Variants in BMPR1B observed in about 807,000 individuals in gnomAD.
The protein encoded by BMPR1B is bone morphogenetic protein receptor type-1B.
In BMPR1B, 12 loss-of-function variants were observed where a neutral mutation model predicts 59.1. That is an observed-to-expected ratio of 0.20 (90% CI 0.13 to 0.33). BMPR1B has a LOEUF of 0.33. Ranked by LOEUF, BMPR1B falls within the 10% of genes least tolerant of loss-of-function variation. BMPR1B has a pLI of 1.00. For synonymous variants in BMPR1B, 237 were observed against 207.3 expected (o/e 1.14, Z -1.23); for missense variants, 550 against 610.9 (o/e 0.90, Z 1.05).
At chr4:95,057,777 T>C (rs1307842943) in intron 3 of BMPR1B, among the ~76,000 whole-genome samples, 2 of 152,152 alleles carry the variant, frequency 1.3e-5, no homozygotes, top group Admixed American at 1.3e-4. Context: ...CCAGGACTCT[T>C]TTGTTTGTAG....
At chr4:94,922,261 C>T (rs1335371183) in intron 2 of BMPR1B, among the ~76,000 whole-genome samples, 1 of 152,108 alleles carries the variant, frequency 6.6e-6, no homozygotes, top group Non-Finnish European at 1.5e-5. Flanking sequence ...AGGCATGAGT[C>T]ATTGTGCCTG....
At chr4:94,982,923 T>C (rs945682547) in intron 2 of BMPR1B, among the ~76,000 whole-genome samples, 2 of 151,248 alleles carry the variant, frequency 1.3e-5, no homozygotes, top group African/African-American at 2.4e-5. Flanking sequence ...AGGCGGAGAT[T>C]GTCGTGAGAG....
rs575213455 is a variant in BMPR1B at position 94,844,673 on chromosome 4, C to G, written c.-182-31158C>G. On this transcript the variant is annotated intron_variant, in intron 1 of 12. Coordinates refer to ENST00000515059, the MANE Select transcript of BMPR1B (RefSeq NM_001203.3). ...TTCTTTATGTCTGCCTGACTTCCCC[C>G]CGCTGCCCCGCTCCCCGCCCCAGAT... Among the ~76,000 whole-genome samples, 251 of 152,218 alleles carry G rather than the reference C, an allele frequency of 1.6e-3. 1 individual carries two copies. Among genetic ancestry groups the G allele is most frequent in the Admixed American group, 2.8e-3 (43 of 15,284 alleles).
intron 10 of BMPR1B, among the ~76,000 whole-genome samples, chr4:95,143,482 C>T (rs1280663896): frequency 2.0e-5 from 3 of 152,110 alleles, no homozygotes; most frequent in African/African-American, 7.2e-5. Context: ...CCTTTGCTCC[C>T]CTTCCCTACC....
intron 10 of BMPR1B, among the ~76,000 whole-genome samples, chr4:95,148,400 T>C (rs1427047920): frequency 3.3e-5 from 5 of 152,026 alleles, no homozygotes; most frequent in Non-Finnish European, 7.4e-5. Context: ...GACTGAGTTT[T>C]ATCTTCATTG....
chr4:94,836,179 T>C (rs1396683366), intron 1 of BMPR1B, among the ~76,000 whole-genome samples: 1 of 150,128 alleles, frequency 6.7e-6, no homozygotes, highest in Non-Finnish European at 1.5e-5. Context: ...TTTGGGTTGG[T>C]TCCAAGTCTT....
intron 3 of BMPR1B, among the ~76,000 whole-genome samples, chr4:95,011,732 G>T (rs1192892021): frequency 6.6e-6 from 1 of 152,064 alleles, no homozygotes; most frequent in East Asian, 1.9e-4. Context: ...AAAAAGAAAA[G>T]ATGGGGTTGG....
At chr4:95,023,027 T>C (rs1724104097) in intron 3 of BMPR1B, among the ~76,000 whole-genome samples, 1 of 152,164 alleles carries the variant, frequency 6.6e-6, no homozygotes, top group Non-Finnish European at 1.5e-5. Context: ...GGTTTCTTTA[T>C]TTCCAGAAAT....
intron 3 of BMPR1B, among the ~76,000 whole-genome samples, chr4:95,046,735 C>A (rs1404822722): frequency 6.6e-6 from 1 of 152,128 alleles, no homozygotes; most frequent in Non-Finnish European, 1.5e-5. Context: ...CAAATGGAGA[C>A]CTTTCTTTTA....
chr4:94,876,092 A>T (rs544185041), intron 2 of BMPR1B, among the ~76,000 whole-genome samples, 192 bp downstream of exon 2: 2 of 152,328 alleles, frequency 1.3e-5, no homozygotes, highest in African/African-American at 4.8e-5. Flanking sequence ...GTAAATCAAC[A>T]TGACAAGGTG....
chr4:94,981,003 A>ACGCGCGTGTATGCGCGCG (rs141994255), intron 2 of BMPR1B, among the ~76,000 whole-genome samples: 1 of 90,796 alleles, frequency 1.1e-5, no homozygotes, highest in African/African-American at 3.5e-5. Flanking sequence ...ACACACACAC[A>ACGCGCGTGTATGCGCGCG]CACACACACA....
intron 2 of BMPR1B, among the ~76,000 whole-genome samples, chr4:94,905,859 A>G (rs776701905): frequency 2.0e-5 from 3 of 151,148 alleles, no homozygotes; most frequent in Non-Finnish European, 4.4e-5. Context: ...ACTTTTACTA[A>G]GAGAACAGTG....
At chr4:94,820,732 G>C (rs1724176792) in intron 1 of BMPR1B, among the ~76,000 whole-genome samples, 1 of 151,848 alleles carries the variant, frequency 6.6e-6, no homozygotes, top group African/African-American at 2.4e-5. Flanking sequence ...GTTCTTACAG[G>C]TGTTCACAAA....
At chr4:94,801,008 G>T (rs540353296) in intron 1 of BMPR1B, among the ~76,000 whole-genome samples, 2 of 152,298 alleles carry the variant, frequency 1.3e-5, no homozygotes, top group East Asian at 3.9e-4. Flanking sequence ...TGGGATTTGA[G>T]CTAAATTTTT....
At chr4:95,094,796 C>T (rs1730243942) in intron 3 of BMPR1B, among the ~76,000 whole-genome samples, 1 of 152,118 alleles carries the variant, frequency 6.6e-6, no homozygotes, top group African/African-American at 2.4e-5. Context: ...ACATTTCACT[C>T]CTGCATAGCA....
At chr4:95,140,748 T>A (rs1035512998) in intron 10 of BMPR1B, among the ~76,000 whole-genome samples, 1 of 152,152 alleles carries the variant, frequency 6.6e-6, no homozygotes, top group African/African-American at 2.4e-5. Context: ...CATAGTGAGT[T>A]ACCCATTATA....
intron 2 of BMPR1B, among the ~76,000 whole-genome samples, chr4:94,952,014 A>G (rs764586332): frequency 2.0e-5 from 3 of 151,922 alleles, no homozygotes; most frequent in Non-Finnish European, 4.4e-5. Context: ...GAATGTATCC[A>G]TTTCTTCCTG....
intron 1 of BMPR1B, among the ~76,000 whole-genome samples, chr4:94,812,382 T>A (rs1362134773): frequency 1.3e-5 from 2 of 152,208 alleles, no homozygotes; most frequent in East Asian, 3.9e-4. Context: ...ACAGCATGAG[T>A]AGAGCAGTGA....
rs868129591 is a variant in BMPR1B, at chr4:95,071,658, A to G, written c.-17-32750A>G. ...TGTGTGTGTGTGTGTGTGTGTATAT[A>G]TATATATATATATATATATATATGA... is the stretch of plus-strand genomic sequence containing the variant. On this transcript the variant is annotated intron_variant, in intron 3 of 12. Transcript: ENST00000515059. Among the ~76,000 whole-genome samples, 877 of 137,980 alleles carry G rather than the reference A, an allele frequency of 6.4e-3. 12 individuals are homozygous for G. Among genetic ancestry groups the G allele is most frequent in the African/African-American group, 0.021 (765 of 36,974 alleles). The allele number at this position is 137,980 out of a possible 152,430, so 90.5% of individuals were successfully genotyped here. A position where few individuals can be genotyped will look rare whatever the true frequency, so the allele number is the denominator to read the frequency against.
Sources: allele counts gnomAD v4.1 joint callset (sites outside exome capture counted in the v4.1 genomes callset), GRCh38; gene constraint gnomAD v4.1.1; transcripts MANE v1.5; gene names NCBI Gene and HGNC (gene_info 2026-07-23, HGNC 2026-07-21).